The following OPCML variants were observed in gnomAD, a reference collection of about 807,000 sequenced individuals.
OPCML encodes opioid binding protein/cell adhesion molecule like, also known as opioid-binding protein/cell adhesion molecule.
A neutral mutation model predicts 37.8 loss-of-function variants in OPCML; 13 were observed. That is an observed-to-expected ratio of 0.34 (90% CI 0.22 to 0.55). The LOEUF (loss-of-function observed/expected upper bound fraction) is 0.55, where lower values mean the gene tolerates loss of function less well. Among genes scored for constraint, OPCML ranks in the 20% least tolerant of loss-of-function variants. The probability of loss-of-function intolerance (pLI) is 0.91; values close to 1 mark genes in which losing one functional copy is unlikely to be tolerated. For missense variants in OPCML, 341 were observed against 435.6 expected, an observed-to-expected ratio of 0.78 and a Z score of 1.93; for synonymous variants, 176 against 168.8, an observed-to-expected ratio of 1.04 and a Z score of -0.33.
chr11:132,604,443 T>C (rs1056768906), intron 3 of OPCML, among the ~76,000 whole-genome samples: 10 of 152,118 alleles, frequency 6.6e-5, no homozygotes, highest in Non-Finnish European at 1.2e-4. Flanking sequence ...CTGGCTCATT[T>C]CCTTCATTCC....
intron 1 of OPCML, among the ~76,000 whole-genome samples, chr11:133,454,146 T>C (rs1258848549): frequency 6.6e-6 from 1 of 152,204 alleles, no homozygotes; most frequent in Non-Finnish European, 1.5e-5. Flanking sequence ...GTTTCTAGGG[T>C]CATGATAGTT....
intron 1 of OPCML, among the ~76,000 whole-genome samples, chr11:133,204,072 A>AG (rs1938927462): frequency 6.6e-6 from 1 of 150,506 alleles, no homozygotes; most frequent in East Asian, 1.9e-4. Context: ...AAAAAAAAAA[A>AG]AAAAAAAAAA....
intron 1 of OPCML, among the ~76,000 whole-genome samples, chr11:132,948,379 A>T (rs1038361168): frequency 6.6e-6 from 1 of 152,154 alleles, no homozygotes; most frequent in African/African-American, 2.4e-5. Context: ...CAAGCTTAGG[A>T]TTGTAAAGTT....
intron 1 of OPCML, among the ~76,000 whole-genome samples, chr11:133,475,223 TG>T (rs1311598298): frequency 1.8e-4 from 23 of 127,292 alleles, no homozygotes; most frequent in Admixed American, 5.8e-4. Flanking sequence ...TTTTTTTTGT[TG>T]TTTTTTTGTT....
At chr11:132,653,557 C>T (rs775779022) in intron 3 of OPCML, among the ~76,000 whole-genome samples, 1 of 152,196 alleles carries the variant, frequency 6.6e-6, no homozygotes, top group Non-Finnish European at 1.5e-5. Context: ...CTGTGCTGAT[C>T]CCCTCAGTGG....
At chr11:133,083,091 G>T (rs1023215612) in intron 1 of OPCML, among the ~76,000 whole-genome samples, 1 of 151,976 alleles carries the variant, frequency 6.6e-6, no homozygotes, top group Admixed American at 6.5e-5. Context: ...CCTGCGCCCC[G>T]ACGGCACCCG....
Position 132,730,377 on chromosome 11 carries a change from C to A in OPCML, c.147-73058G>T, listed in dbSNP as rs1264562989. On this transcript the variant is annotated intron_variant, in intron 2 of 7. Transcript: ENST00000524381. Reference sequence around the variant, plus strand: ...ACAAAATAAAGACACAACAAGTAATCTTCTCTTAATAAAAAGGCATAATTG... The same window carrying A: ...ACAAAATAAAGACACAACAAGTAATATTCTCTTAATAAAAAGGCATAATTG... 2.0e-5 allele frequency among the ~76,000 whole-genome samples: 3 copies of A among 152,228 alleles called. 1 individual carries two copies. Among genetic ancestry groups the A allele is most frequent in the East Asian group, 3.9e-4 (2 of 5,178 alleles).
At chr11:133,008,904 C>T in intron 1 of OPCML, 1 of 985,446 alleles carries the variant, frequency 1.0e-6, no homozygotes, top group Non-Finnish European at 1.2e-6. Flanking sequence ...GAGTGATCTG[C>T]ACATAAACAC....
At chr11:133,349,117 A>G (rs1944069761) in intron 1 of OPCML, among the ~76,000 whole-genome samples, 2 of 152,198 alleles carry the variant, frequency 1.3e-5, no homozygotes, top group South Asian at 4.1e-4. Flanking sequence ...TGTGCATGGT[A>G]ACCACTCAGT....
intron 2 of OPCML, among the ~76,000 whole-genome samples, chr11:132,784,600 A>C (rs910371208): frequency 6.6e-6 from 1 of 151,492 alleles, no homozygotes; most frequent in Non-Finnish European, 1.5e-5. Context: ...CCCCACCCCA[A>C]TCTTATGTTG....
chr11:133,419,725 C>T (rs57969056), intron 1 of OPCML, among the ~76,000 whole-genome samples: 10,769 of 152,002 alleles, frequency 0.071, 1,092 homozygotes, highest in African/African-American at 0.22. Context: ...ATTGTCTAGG[C>T]TTAAGAAAGA....
intron 1 of OPCML, among the ~76,000 whole-genome samples, chr11:133,348,271 A>G (rs1944046286): frequency 6.6e-6 from 1 of 152,214 alleles, no homozygotes; most frequent in Non-Finnish European, 1.5e-5. Context: ...ATGCCAATTG[A>G]ATCTCATCTA....
intron 2 of OPCML, among the ~76,000 whole-genome samples, chr11:132,755,482 G>T (rs1946005201): frequency 6.6e-6 from 1 of 151,988 alleles, no homozygotes; most frequent in Non-Finnish European, 1.5e-5. Context: ...ACCATATATT[G>T]CACGTGGTTG....
chr11:132,658,752 A>T (rs1247341371), intron 2 of OPCML, among the ~76,000 whole-genome samples: 1 of 152,154 alleles, frequency 6.6e-6, no homozygotes, highest in East Asian at 1.9e-4. Flanking sequence ...CATGTAAATA[A>T]CACTAAGATG....
chr11:132,463,858 G>C (rs2096111221), intron 4 of OPCML, among the ~76,000 whole-genome samples: 1 of 152,170 alleles, frequency 6.6e-6, no homozygotes, highest in African/African-American at 2.4e-5. Context: ...TCTAGCTACT[G>C]TGCATATTTC....
chr11:133,516,050 G>A (rs77892431), intron 1 of OPCML, among the ~76,000 whole-genome samples: 76 of 152,164 alleles, frequency 5.0e-4, no homozygotes, highest in African/African-American at 1.4e-3. Context: ...ACAGGTCTAC[G>A]TGTGCAGGGC....
chr11:133,146,576 G>T (rs1337913018), intron 1 of OPCML, among the ~76,000 whole-genome samples: 1 of 152,066 alleles, frequency 6.6e-6, no homozygotes, highest in Non-Finnish European at 1.5e-5. Context: ...GCCTCCCAAA[G>T]TGCTGGGATT....
intron 1 of OPCML, among the ~76,000 whole-genome samples, chr11:133,227,367 T>C (rs568427414): frequency 9.9e-5 from 15 of 152,168 alleles, no homozygotes; most frequent in Non-Finnish European, 4.4e-5. Context: ...TCACCACTAA[T>C]AGGATGTTGA....
intron 1 of OPCML, among the ~76,000 whole-genome samples, chr11:133,342,784 A>G (rs764955403): frequency 1.3e-5 from 2 of 152,144 alleles, no homozygotes; most frequent in Non-Finnish European, 2.9e-5. Context: ...CGTTTGGGAC[A>G]TAGAGGGAGC....
Sources: allele counts gnomAD v4.1 joint callset (sites outside exome capture counted in the v4.1 genomes callset), GRCh38; gene constraint gnomAD v4.1.1; transcripts MANE v1.5; gene names NCBI Gene and HGNC (gene_info 2026-07-23, HGNC 2026-07-21).